FZD1: variants seen among roughly 807,000 people sequenced by gnomAD.
The protein encoded by FZD1 is frizzled class receptor 1, also known as frizzled-1.
A neutral mutation model predicts 48.0 loss-of-function variants in FZD1; 22 were observed. The observed-to-expected ratio is 0.46, with a 90% CI of 0.33 to 0.65. The LOEUF is 0.65. Ranked by LOEUF, FZD1 falls within the 30% of genes least tolerant of loss-of-function variation. The probability of loss-of-function intolerance (pLI) is 0.02; values close to 1 mark genes in which losing one functional copy is unlikely to be tolerated. For missense variants in FZD1, 843 were observed against 898.1 expected (o/e 0.94, Z 0.78); for synonymous variants, 486 against 409.6 (o/e 1.19, Z -2.25).
Position 91,265,602 on chromosome 7 carries a change from C to T in FZD1, c.722C>T (p.Ser241Leu). ...TCCGACAAGGGCACCCCGACGCCCT[C>T]GCTGCTTCCAGAGTTCTGGACCAGC... ...NTSDKGTPTP[S>L]LLPEFWTSNP... Residue 241 changes from serine to leucine, a missense_variant, in exon 1 of 1, where the codon TCG (serine) becomes TTG (leucine). Physicochemically the swap from Ser to Leu is moderately radical, Grantham distance 145 (BLOSUM62 -2). This residue lies in a region of FZD1 where 490 missense variants were observed against 466.5 expected (regional missense o/e 1.05). Coordinates refer to ENST00000287934, the MANE Select transcript of FZD1 (RefSeq NM_003505.2). This position sits in a 1 kb window ranked among gnomAD's most constrained non-coding sequence, Gnocchi z 6.9. 3.7e-6 allele frequency: 6 copies of T among 1,607,862 alleles called. No individual in the cohort carries two copies. The highest frequency in any genetic ancestry group is 3.4e-6 in the Non-Finnish European group (4 of 1,178,718).
chr7:91,267,201 C>A lies in FZD1; in HGVS notation c.*377C>A. 5.6e-6 allele frequency: 1 copy of A among 180,030 alleles called. No homozygotes were observed. Among genetic ancestry groups the A allele is most frequent in the Non-Finnish European group, 1.3e-5 (1 of 76,416 alleles). The allele number at this position is 180,030 out of a possible 1,614,324, so 11.2% of individuals were successfully genotyped here. A position where few individuals can be genotyped will look rare whatever the true frequency, so the allele number is the denominator to read the frequency against. On this transcript the variant is annotated 3_prime_UTR_variant, in exon 1 of 1. Coordinates refer to ENST00000287934, the MANE Select transcript of FZD1 (RefSeq NM_003505.2). ...TTTAGGGCGGTTTAACCATTTGAGG[C>A]TTTTCCTTCTTGCCCTTTTCGGAGT...
At position 91,266,428 on chromosome 7, in the gene FZD1, C is replaced by A. The variant is rs1263959327; in HGVS notation, c.1548C>A (p.Ile516=). The A allele has an allele frequency of 1.2e-6, 2 of 1,614,074 alleles. No homozygotes were observed. Among genetic ancestry groups the A allele is most frequent in the African/African-American group, 1.3e-5 (1 of 74,944 alleles). The change falls in exon 1 of 1, where the codon ATC becomes ATA. Residue 516 remains isoleucine, a synonymous_variant. Transcript: ENST00000287934. This position sits in a 1 kb window ranked among gnomAD's most constrained non-coding sequence, Gnocchi z 6.8. ...LLAGFVSLFR[I]RTIMKHDGTK... ...CCGGCTTTGTGTCGCTCTTCCGCAT[C>A]CGCACCATCATGAAGCACGATGGCA... is the stretch of plus-strand genomic sequence containing the variant.
Position 91,266,243 on chromosome 7 carries a change from C to T in FZD1, c.1363C>T (p.Pro455Ser). ...QYFHLAAWAV[P>S]AIKTITILAL... ...TTTTCACCTGGCCGCCTGGGCTGTG[C>T]CGGCCATCAAGACCATCACCATCCT... is the stretch of plus-strand genomic sequence containing the variant. The change falls in exon 1 of 1, where the codon CCG (proline) becomes TCG (serine). Residue 455 changes from proline (P) to serine (S), a missense_variant. This residue lies in a region of FZD1 where 353 missense variants were observed against 431.6 expected (regional missense o/e 0.82). Transcript: ENST00000287934. The surrounding 1 kb of genome is among the most constrained non-coding windows in gnomAD (Gnocchi z 6.8). The T allele has an allele frequency of 1.9e-6, 3 of 1,614,098 alleles. No individual in the cohort carries two copies. In the South Asian group the frequency reaches 3.3e-5, roughly 18 times the overall value.
At position 91,268,667 on chromosome 7, in the gene FZD1, T is replaced by C. The variant is rs1204398293; in HGVS notation, c.*1843T>C. 3 of 166,074 alleles carry C rather than the reference T, an allele frequency of 1.8e-5. No homozygotes were observed. The highest frequency in any genetic ancestry group is 4.4e-5 in the Non-Finnish European group (3 of 68,092). The allele number at this position is 166,074 out of a possible 1,614,324, so 10.3% of individuals were successfully genotyped here. A position where few individuals can be genotyped will look rare whatever the true frequency, so the allele number is the denominator to read the frequency against. On this transcript the variant is annotated 3_prime_UTR_variant, in exon 1 of 1. Transcript: ENST00000287934. ...AGAGGAATAGAAGTTTATATATATATAATACCATATTTTTAATTTCACAAA... is the reference window on the plus strand; with the variant it reads ...AGAGGAATAGAAGTTTATATATATACAATACCATATTTTTAATTTCACAAA...
rs1266821452 is a variant in FZD1 at position 91,269,109 on chromosome 7, G to T, written c.*2285G>T. 3 of 166,776 alleles carry T rather than the reference G, an allele frequency of 1.8e-5. No individual in the cohort carries two copies. Among genetic ancestry groups the T allele is most frequent in the African/African-American group, 7.2e-5 (3 of 41,408 alleles). The allele number at this position is 166,776 out of a possible 1,614,324, so 10.3% of individuals were successfully genotyped here. On this transcript the variant is annotated 3_prime_UTR_variant, in exon 1 of 1. Coordinates refer to ENST00000287934, the MANE Select transcript of FZD1 (RefSeq NM_003505.2). ...CTTTCTCATATTTTTTAGAGGTATT[G>T]TCTTATCTCTTCCATAATCTTGGAT...
In FZD1 at chr7:91,267,044, T is replaced by C; in HGVS notation, c.*220T>C. 1 of 522,170 alleles carries C rather than the reference T, an allele frequency of 1.9e-6. No homozygotes were observed. Among genetic ancestry groups the C allele is most frequent in the Non-Finnish European group, 3.5e-6 (1 of 286,428 alleles). 32.3% of individuals were successfully genotyped at this position (522,170 alleles called of 1,614,324 possible). A position where few individuals can be genotyped will look rare whatever the true frequency, so the allele number is the denominator to read the frequency against. On this transcript the variant is annotated 3_prime_UTR_variant, in exon 1 of 1. Coordinates refer to ENST00000287934, the MANE Select transcript of FZD1 (RefSeq NM_003505.2). ...GCCAGAGGGAGGATGGACAGACCTC[T>C]TGCCCTCACACTCTGGTACCAGGAC...
rs1803841983 is a variant in FZD1 at position 91,264,880 on chromosome 7, T to A, written c.-1T>A. The stretch of plus-strand genomic sequence containing the variant: ...GGCGCCAAGAGAGGAGCCGAGAAAG[T>A]ATGGCTGAGGAGGAGGCGCCTAAGA... On this transcript the variant is annotated 5_prime_UTR_variant, in exon 1 of 1. Coordinates refer to ENST00000287934, the MANE Select transcript of FZD1 (RefSeq NM_003505.2). 1.5e-6 allele frequency: 2 copies of A among 1,299,750 alleles called. No homozygotes were observed. The highest frequency in any genetic ancestry group is 1.9e-6 in the Non-Finnish European group (2 of 1,029,020). The allele number at this position is 1,299,750 out of a possible 1,614,324, so 80.5% of individuals were successfully genotyped here.
In FZD1 at chr7:91,265,030, A is replaced by G; in HGVS notation, c.150A>G (p.Arg50=). ...GRRRPPVDPR[R]LARQLLLLLW... is the part of the protein sequence containing the mutation. The stretch of plus-strand genomic sequence containing the variant: ...GCCGCCCGCCAGTTGACCCCCGGCG[A>G]TTGGCGCGCCAGCTGCTGCTGCTGC... The change falls in exon 1 of 1, where the codon CGA becomes CGG. Residue 50 remains arginine (R), a synonymous_variant. Transcript: ENST00000287934. This position sits in a 1 kb window ranked among gnomAD's most constrained non-coding sequence, Gnocchi z 6.9. The G allele has an allele frequency of 7.1e-7, 1 of 1,406,344 alleles. No individual in the cohort carries two copies. 87.1% of individuals were successfully genotyped at this position (1,406,344 alleles called of 1,614,324 possible).
At position 91,264,721 on chromosome 7, in the gene FZD1, CTGCGGT is replaced by C. The variant is rs1803838636; in HGVS notation, c.-159_-154del. 2.3e-6 allele frequency: 1 copy of C among 438,690 alleles called. No homozygotes were observed. 27.2% of individuals were successfully genotyped at this position (438,690 alleles called of 1,614,324 possible). A position where few individuals can be genotyped will look rare whatever the true frequency, so the allele number is the denominator to read the frequency against. On this transcript the variant is annotated 5_prime_UTR_variant, in exon 1 of 1. Transcript: ENST00000287934. The stretch of plus-strand genomic sequence containing the variant: ...TCGCAAGTTTCCGCGGCGGCGGCGG[CTGCGGT>C]ACGCAGAACAGGAGCCGGGGGAGCG...
chr7:91,265,011 C>T lies in FZD1; in HGVS notation c.131C>T (p.Pro44Leu). 1 of 1,406,718 alleles carries T rather than the reference C, an allele frequency of 7.1e-7. No individual in the cohort carries two copies. Among genetic ancestry groups the T allele is most frequent in the Middle Eastern group, 2.5e-4 (1 of 3,952 alleles). 87.1% of individuals were successfully genotyped at this position (1,406,718 alleles called of 1,614,324 possible). ...GGGGACGCCGGTGGCCGCCGCCGCCCGCCAGTTGACCCCCGGCGATTGGCG... is the reference window on the plus strand; with the variant it reads ...GGGGACGCCGGTGGCCGCCGCCGCCTGCCAGTTGACCCCCGGCGATTGGCG... ...GSGDAGGRRR[P>L]PVDPRRLARQ... is the part of the protein sequence containing the mutation. The change falls in exon 1 of 1, where the codon CCG becomes CTG. Residue 44 changes from proline (P) to leucine (L), a missense_variant. Pro to Leu is a moderately conservative substitution (Grantham distance 98). Around this residue, in one of 2 missense-constraint regions of FZD1, gnomAD observed 490 missense variants for 466.5 expected, o/e 1.05. Transcript: ENST00000287934. This position sits in a 1 kb window ranked among gnomAD's most constrained non-coding sequence, Gnocchi z 6.9.
rs1201418630 is a variant in FZD1 at position 91,266,653 on chromosome 7, G to T, written c.1773G>T (p.Pro591=). ...ACCTCCAGGCGGGCGGAGGCGCCCC[G>T]CCGCACCCGCCCATGAGCCCGGACT... ...CPHLQAGGGA[P]PHPPMSPDFT... The change falls in exon 1 of 1, where the codon CCG becomes CCT. Residue 591 remains proline, a synonymous_variant. Transcript: ENST00000287934. This position sits in a 1 kb window ranked among gnomAD's most constrained non-coding sequence, Gnocchi z 6.8. 7 of 1,497,720 alleles carry T rather than the reference G, an allele frequency of 4.7e-6. No homozygotes were observed. The Admixed American group carries it at 1.0e-4, about 22-fold the overall frequency. 92.8% of individuals were successfully genotyped at this position (1,497,720 alleles called of 1,614,324 possible). A position where few individuals can be genotyped will look rare whatever the true frequency, so the allele number is the denominator to read the frequency against.
Position 91,266,785 on chromosome 7 carries a change from G to T in FZD1, c.1905G>T (p.Thr635=). The change falls in exon 1 of 1, where the codon ACG becomes ACT. Residue 635 remains threonine, a synonymous_variant. Transcript: ENST00000287934. This position sits in a 1 kb window ranked among gnomAD's most constrained non-coding sequence, Gnocchi z 6.8. ...KTLNSWRKFY[T]RLTNSKQGET... ...TCAACTCCTGGAGGAAGTTCTACACGAGGCTCACCAACAGCAAACAAGGGG... is the reference window on the plus strand; with the variant it reads ...TCAACTCCTGGAGGAAGTTCTACACTAGGCTCACCAACAGCAAACAAGGGG... 1 of 1,607,892 alleles carries T rather than the reference G, an allele frequency of 6.2e-7. No homozygotes were observed. Among genetic ancestry groups the T allele is most frequent in the Non-Finnish European group, 8.5e-7 (1 of 1,176,464 alleles).
rs2232158 is a variant in FZD1 at position 91,264,787 on chromosome 7, C to G, written c.-94C>G. On this transcript the variant is annotated 5_prime_UTR_variant, in exon 1 of 1. Coordinates refer to ENST00000287934, the MANE Select transcript of FZD1 (RefSeq NM_003505.2). ...CGGCTTGGGCTCGACGGAGGGCACC[C>G]GCGCAGAGGTCTCCCTGGCCGCAGG... The G allele has an allele frequency of 0.59, 480,224 of 817,494 alleles. 142,198 individuals are homozygous for G. The highest frequency in any genetic ancestry group is 0.7 in the African/African-American group (39,490 of 56,488). 50.6% of individuals were successfully genotyped at this position (817,494 alleles called of 1,614,324 possible).
At position 91,268,167 on chromosome 7, in the gene FZD1, A is replaced by G. The variant is rs375291073; in HGVS notation, c.*1343A>G. 7.2e-4 allele frequency: 120 copies of G among 167,130 alleles called. 1 individual carries two copies. The highest frequency in any genetic ancestry group is 2.7e-3 in the African/African-American group (111 of 41,588). 10.4% of individuals were successfully genotyped at this position (167,130 alleles called of 1,614,324 possible). Reference sequence around the variant, plus strand: ...CTAGACATATATCAGAAACTTTAAAATGTAAAAGTTGTACACTTTCAACAT... The same window carrying G: ...CTAGACATATATCAGAAACTTTAAAGTGTAAAAGTTGTACACTTTCAACAT... On this transcript the variant is annotated 3_prime_UTR_variant, in exon 1 of 1. Transcript: ENST00000287934.
rs1803945543 is a variant in FZD1, at chr7:91,269,965, G to A, written c.*3141G>A. On this transcript the variant is annotated 3_prime_UTR_variant, in exon 1 of 1. Coordinates refer to ENST00000287934, the MANE Select transcript of FZD1 (RefSeq NM_003505.2). ...ATGCTGTGGTTAAATAGCTTTAGAA[G>A]ACATTTTTAAGTCACCACCAGCCTT... 1 of 167,056 alleles carries A rather than the reference G, an allele frequency of 6.0e-6. No individual in the cohort carries two copies. Among genetic ancestry groups the A allele is most frequent in the Non-Finnish European group, 1.5e-5 (1 of 68,108 alleles). The allele number at this position is 167,056 out of a possible 1,614,324, so 10.3% of individuals were successfully genotyped here.
rs751195052 is a variant in FZD1 at position 91,266,551 on chromosome 7, C to T, written c.1671C>T (p.Tyr557=). 2.5e-6 allele frequency: 4 copies of T among 1,613,798 alleles called. No homozygotes were observed. The African/African-American group carries it at 4.0e-5, about 16-fold the overall frequency. The stretch of plus-strand genomic sequence containing the variant: ...CCATCGTCATCGCCTGCTACTTCTA[C>T]GAGCAGGCCTTCCGGGACCAGTGGG... The part of the protein sequence containing the change: ...PATIVIACYF[Y]EQAFRDQWER... The change falls in exon 1 of 1, where the codon TAC becomes TAT. Residue 557 remains tyrosine, a synonymous_variant. Coordinates refer to ENST00000287934, the MANE Select transcript of FZD1 (RefSeq NM_003505.2). This position sits in a 1 kb window ranked among gnomAD's most constrained non-coding sequence, Gnocchi z 6.8.
rs1164977135 is a variant in FZD1, at chr7:91,265,820, G to A, written c.940G>A (p.Glu314Lys). 5.0e-6 allele frequency: 8 copies of A among 1,613,712 alleles called. No homozygotes were observed. ...KVYGLMYFGP[E>K]ELRFSRTWIG... The stretch of plus-strand genomic sequence containing the variant: ...GTATGGGCTCATGTACTTCGGGCCC[G>A]AGGAGCTGCGCTTCTCGCGCACCTG... Residue 314 changes from glutamate to lysine, a missense_variant, in exon 1 of 1, where the codon GAG becomes AAG. Around this residue, in one of 2 missense-constraint regions of FZD1, gnomAD observed 490 missense variants for 466.5 expected, o/e 1.05. Coordinates refer to ENST00000287934, the MANE Select transcript of FZD1 (RefSeq NM_003505.2). The surrounding 1 kb of genome is among the most constrained non-coding windows in gnomAD (Gnocchi z 6.9).
rs770090208 is a variant in FZD1, at chr7:91,266,470, G to A, written c.1590G>A (p.Leu530=). Residue 530 remains leucine (L), a synonymous_variant, in exon 1 of 1, where the codon CTG becomes CTA. Transcript: ENST00000287934. This position sits in a 1 kb window ranked among gnomAD's most constrained non-coding sequence, Gnocchi z 6.8. ...ACGATGGCACCAAGACCGAGAAGCT[G>A]GAGAAGCTCATGGTGCGCATTGGCG... ...MKHDGTKTEK[L]EKLMVRIGVF... 43 of 1,614,028 alleles carry A rather than the reference G, an allele frequency of 2.7e-5. No homozygotes were observed. Among genetic ancestry groups the A allele is most frequent in the Non-Finnish European group, 3.5e-5 (41 of 1,180,008 alleles).
rs1235282563 is a variant in FZD1, at chr7:91,268,743, T to C, written c.*1919T>C. The C allele has an allele frequency of 6.0e-6, 1 of 166,568 alleles. No individual in the cohort carries two copies. Among genetic ancestry groups the C allele is most frequent in the East Asian group, 1.9e-4 (1 of 5,196 alleles). The allele number at this position is 166,568 out of a possible 1,614,324, so 10.3% of individuals were successfully genotyped here. ...ATTATATGGATTTTGTGCCTGAAAATAATAGAGCTTGAGCTGTCTGAACTA... is the reference window on the plus strand; with the variant it reads ...ATTATATGGATTTTGTGCCTGAAAACAATAGAGCTTGAGCTGTCTGAACTA... On this transcript the variant is annotated 3_prime_UTR_variant, in exon 1 of 1. Transcript: ENST00000287934.
Sources: allele counts gnomAD v4.1 joint callset, GRCh38; gene constraint gnomAD v4.1.1; regional missense constraint gnomAD v4.1.1; non-coding constraint Gnocchi (gnomAD v3.1); transcripts MANE v1.5; gene names NCBI Gene and HGNC (gene_info 2026-07-23, HGNC 2026-07-21).